PEG3: variants seen among roughly 807,000 people sequenced by gnomAD.
PEG3 encodes paternally-expressed gene 3 protein.
PEG3 carries 23 observed loss-of-function variants against 35.5 expected under a neutral mutation model. The ratio of observed to expected loss-of-function variants is 0.65; its 90% CI spans 0.47 to 0.92. The LOEUF (loss-of-function observed/expected upper bound fraction) is 0.92, where lower values mean the gene tolerates loss of function less well. Among genes scored for constraint, PEG3 ranks in the 40% least tolerant of loss-of-function variants. The probability of loss-of-function intolerance (pLI) is 0.00; values close to 1 mark genes in which losing one functional copy is unlikely to be tolerated. For missense variants in PEG3, 1,960 were observed against 1,985.3 expected (o/e 0.99, Z 0.24); for synonymous variants, 707 against 697.0 (o/e 1.01, Z -0.23).
rs1171878052 is a variant in PEG3, at chr19:56,816,988, G to A, written c.1454C>T (p.Ser485Phe). 1.2e-6 allele frequency: 2 copies of A among 1,614,058 alleles called. No homozygotes were observed. Among genetic ancestry groups the A allele is most frequent in the South Asian group, 2.2e-5 (2 of 91,076 alleles). ...ACTGACAGCCACACTGTGGATAAAG[G>A]ACTCACCATACTCATAGAGGTTCTC... ...TRENLYEYGE[S>F]FIHSVAVSEV... The change falls in exon 10 of 10, where the codon TCC becomes TTC. Residue 485 changes from serine to phenylalanine, a missense_variant. Transcript: ENST00000326441.
At position 56,811,620 on chromosome 19, in the gene PEG3, C is replaced by T. The variant is rs553752940; in HGVS notation, c.*2055G>A. 46 of 985,316 alleles carry T rather than the reference C, an allele frequency of 4.7e-5. No homozygotes were observed. In the African/African-American group the frequency reaches 7.5e-4, roughly 16 times the overall value. 61.0% of individuals were successfully genotyped at this position (985,316 alleles called of 1,614,324 possible). A position where few individuals can be genotyped will look rare whatever the true frequency, so the allele number is the denominator to read the frequency against. ...GCTACCACTGCCAACAATGTTAACACCAAGTAATGTACCCACAAAGTTCAC... is the reference window on the plus strand; with the variant it reads ...GCTACCACTGCCAACAATGTTAACATCAAGTAATGTACCCACAAAGTTCAC... On this transcript the variant is annotated 3_prime_UTR_variant, in exon 10 of 10. Coordinates refer to ENST00000326441, the MANE Select transcript of PEG3 (RefSeq NM_006210.3).
rs1367274696 is a variant in PEG3 at position 56,817,310 on chromosome 19, T to G, written c.1132A>C (p.Asn378His). ...CTCTTTCTGGAAACAAGGGTTGAAT[T>G]AAACCTAAAGCCTCCCCTAAATGCA... ...GNAFRGGFRF[N>H]STLVSRKRVL... Residue 378 changes from asparagine to histidine, a missense_variant, in exon 10 of 10, where the codon AAT becomes CAT. Asn to His is a moderately conservative substitution (Grantham distance 68). Coordinates refer to ENST00000326441, the MANE Select transcript of PEG3 (RefSeq NM_006210.3). 6.8e-6 allele frequency: 11 copies of G among 1,614,042 alleles called. No individual in the cohort carries two copies. Among genetic ancestry groups the G allele is most frequent in the East Asian group, 2.2e-5 (1 of 44,886 alleles).
chr19:56,815,664 G>C lies in PEG3; in HGVS notation c.2778C>G (p.Ser926Arg). Residue 926 changes from serine (S) to arginine (R), a missense_variant, in exon 10 of 10, where the codon AGC (serine) becomes AGG (arginine). Physicochemically the swap from Ser to Arg is moderately radical, Grantham distance 110. Around this residue, in one of 5 missense-constraint regions of PEG3, gnomAD observed 798 missense variants for 782.4 expected, o/e 1.02. Coordinates refer to ENST00000326441, the MANE Select transcript of PEG3 (RefSeq NM_006210.3). Reference sequence around the variant, plus strand: ...CCTTCTGGTATTCACGGACATTTGAGCTGGGAACAGAGAATTCGCCATCCT... The same window carrying C: ...CCTTCTGGTATTCACGGACATTTGACCTGGGAACAGAGAATTCGCCATCCT... ...FKKDGEFSVP[S>R]SNVREYQKAR... 6.2e-7 allele frequency: 1 copy of C among 1,614,130 alleles called. No homozygotes were observed. The highest frequency in any genetic ancestry group is 8.5e-7 in the Non-Finnish European group (1 of 1,179,998).
chr19:56,821,406 T>C (rs1231439208), intron 7 of PEG3, among the ~76,000 whole-genome samples: 2 of 152,136 alleles, frequency 1.3e-5, no homozygotes, highest in Non-Finnish European at 2.9e-5. Context: ...GTGACCAACC[T>C]ACCAAGTGAC....
At chr19:56,838,036 C>A (rs1601315796) in intron 1 of PEG3, among the ~76,000 whole-genome samples, 1 of 152,324 alleles carries the variant, frequency 6.6e-6, no homozygotes, top group East Asian at 1.9e-4. Context: ...TGCAGCCAGC[C>A]CAGCTGTCAT....
rs1437891511 is a variant in PEG3 at position 56,812,175 on chromosome 19, T to A, written c.*1500A>T. The stretch of plus-strand genomic sequence containing the variant: ...CCAGCCAACTCAAGGCCAAAAAAAA[T>A]TTCTTAATATAGTTATTATGCGAGG... On this transcript the variant is annotated 3_prime_UTR_variant, in exon 10 of 10. Transcript: ENST00000326441. 4 of 978,662 alleles carry A rather than the reference T, an allele frequency of 4.1e-6. No individual in the cohort carries two copies. Among genetic ancestry groups the A allele is most frequent in the African/African-American group, 1.8e-5 (1 of 57,032 alleles). The allele number at this position is 978,662 out of a possible 1,614,324, so 60.6% of individuals were successfully genotyped here.
At position 56,815,916 on chromosome 19, in the gene PEG3, T is replaced by A; in HGVS notation, c.2526A>T (p.Lys842Asn). ...RSVIHSLVAS[K>N]PPRSHNGNEL... ...CATTTCCATTGTGACTTCTTGGAGG[T>A]TTGGAAGCCACTAAGCTATGGATAA... Residue 842 changes from lysine (K) to asparagine (N), a missense_variant, in exon 10 of 10, where the codon AAA becomes AAT. Lys to Asn is a moderately conservative substitution (Grantham distance 94). Transcript: ENST00000326441. 6.2e-7 allele frequency: 1 copy of A among 1,610,814 alleles called. No individual in the cohort carries two copies. The highest frequency in any genetic ancestry group is 8.5e-7 in the Non-Finnish European group (1 of 1,178,344).
rs1600969405 is a variant in PEG3, at chr19:56,817,907, C to G, written c.773-72G>C. ...CCAAGACTCATCACCATAAATTGATCTTCATCTTTCACTGAGCCACTAAAT... is the reference window on the plus strand; with the variant it reads ...CCAAGACTCATCACCATAAATTGATGTTCATCTTTCACTGAGCCACTAAAT... On this transcript the variant is annotated intron_variant, in intron 8 of 9. Coordinates refer to ENST00000326441, the MANE Select transcript of PEG3 (RefSeq NM_006210.3). The G allele has an allele frequency of 1.2e-5, 15 of 1,236,364 alleles. No individual in the cohort carries two copies. In the East Asian group the frequency reaches 3.6e-4, roughly 30 times the overall value. 76.6% of individuals were successfully genotyped at this position (1,236,364 alleles called of 1,614,324 possible). A position where few individuals can be genotyped will look rare whatever the true frequency, so the allele number is the denominator to read the frequency against.
At chr19:56,818,771 G>A in intron 7 of PEG3, 69 bp from the exon 8 acceptor site, 1 of 1,543,272 alleles carries the variant, frequency 6.5e-7, no homozygotes, top group Non-Finnish European at 9.0e-7. Flanking sequence ...GAATAATGTT[G>A]GCAACATGGG....
At chr19:56,830,773 AG>A (rs138922846) in intron 2 of PEG3, among the ~76,000 whole-genome samples, 7,559 of 152,200 alleles carry the variant, frequency 0.05, 605 homozygotes, top group African/African-American at 0.17. Flanking sequence ...AATTTACAGA[AG>A]GAACACAAAA....
intron 7 of PEG3, among the ~76,000 whole-genome samples, chr19:56,819,656 T>C (rs2060291673): frequency 6.6e-6 from 1 of 152,202 alleles, no homozygotes; most frequent in African/African-American, 2.4e-5. Context: ...TTTTTGAACC[T>C]TTCTTTCAGG....
At chr19:56,832,117 C>T (rs2061626942) in intron 2 of PEG3, among the ~76,000 whole-genome samples, 1 of 152,216 alleles carries the variant, frequency 6.6e-6, no homozygotes, top group African/African-American at 2.4e-5. Context: ...TAACAAGTCT[C>T]TGTTTCTTTT....
Position 56,813,967 on chromosome 19 carries a change from T to C in PEG3, c.4475A>G (p.Glu1492Gly), listed in dbSNP as rs777815653. The C allele has an allele frequency of 7.4e-6, 12 of 1,613,990 alleles. No homozygotes were observed. In the South Asian group the frequency reaches 1.3e-4, roughly 18 times the overall value. Residue 1492 changes from glutamate to glycine, a missense_variant, in exon 10 of 10, where the codon GAA becomes GGA. Transcript: ENST00000326441. ...TACCTGAATCTCTTGATCTTCACCT[T>C]CTTCTGGGTCTTCAATTCCCACACC... ...PDGVGIEDPEEGEDQEIQVEE... is the reference protein window; with the variant it reads ...PDGVGIEDPEGGEDQEIQVEE...
chr19:56,817,639 TGGA>T, intron 9 of PEG3, 60 bp from the exon 10 acceptor site: 6 of 1,515,712 alleles, frequency 4.0e-6, no homozygotes, highest in Non-Finnish European at 5.5e-6. Context: ...CAGTGGGACT[TGGA>T]GGGGTGCACC....
At chr19:56,825,567 C>T (rs200136532) in intron 3 of PEG3, among the ~76,000 whole-genome samples, 1 of 151,838 alleles carries the variant, frequency 6.6e-6, no homozygotes, top group African/African-American at 2.4e-5. Context: ...TCAATCTCTC[C>T]TTTTTTTTAT....
chr19:56,821,533 G>T (rs1273902337), intron 7 of PEG3, 118 bp downstream of exon 7: 1 of 1,257,850 alleles, frequency 8.0e-7, no homozygotes, highest in Non-Finnish European at 1.1e-6. Context: ...TGGAGCGCTG[G>T]GACTCTCACC....
In PEG3 at chr19:56,813,382, A is replaced by ACAGTTGATTTGGG; in HGVS notation, c.*292_*293insCCCAAATCAACTG. ...GTGTCATTTACAGTTGATTTGGGCAAACTCTGTAGTCTGGAATACTCATAG... is the reference window on the plus strand; with the variant it reads ...GTGTCATTTACAGTTGATTTGGGCAACAGTTGATTTGGGACTCTGTAGTCTGGAATACTCATAG... On this transcript the variant is annotated 3_prime_UTR_variant, in exon 10 of 10. Transcript: ENST00000326441. 1 of 1,187,658 alleles carries ACAGTTGATTTGGG rather than the reference A, an allele frequency of 8.4e-7. No homozygotes were observed. The highest frequency in any genetic ancestry group is 4.1e-5 in the East Asian group (1 of 24,612). The allele number at this position is 1,187,658 out of a possible 1,614,324, so 73.6% of individuals were successfully genotyped here.
intron 7 of PEG3, among the ~76,000 whole-genome samples, chr19:56,819,855 CA>C (rs1313172634): frequency 6.6e-6 from 1 of 151,272 alleles, no homozygotes; most frequent in Non-Finnish European, 1.5e-5. Context: ...AAAAATGTAG[CA>C]AAAAAAAGAG....
intron 2 of PEG3, among the ~76,000 whole-genome samples, chr19:56,829,507 G>A (rs1361983813): frequency 6.6e-6 from 1 of 152,202 alleles, no homozygotes; most frequent in African/African-American, 2.4e-5. Context: ...ACAGGGAAAC[G>A]TGTTCTGTTG....
Sources: allele counts gnomAD v4.1 joint callset (sites outside exome capture counted in the v4.1 genomes callset), GRCh38; gene constraint gnomAD v4.1.1; regional missense constraint gnomAD v4.1.1; transcripts MANE v1.5; gene names NCBI Gene and HGNC (gene_info 2026-07-23, HGNC 2026-07-21).